ALCAM: variants seen among roughly 807,000 people sequenced by gnomAD.
ALCAM encodes CD166 antigen.
In ALCAM, 30 loss-of-function variants were observed where a neutral mutation model predicts 70.9. The ratio of observed to expected loss-of-function variants is 0.42; its 90% CI spans 0.32 to 0.57. ALCAM has a LOEUF of 0.57. Ranked by LOEUF, ALCAM falls within the 20% of genes least tolerant of loss-of-function variation. The pLI, the probability that ALCAM is intolerant of heterozygous loss-of-function variation, is 0.11. For synonymous variants in ALCAM, 249 were observed against 242.5 expected, an observed-to-expected ratio of 1.03 and a Z score of -0.25; for missense variants, 591 against 695.1, an observed-to-expected ratio of 0.85 and a Z score of 1.68.
At chr3:105,485,026 AAAATT>A (rs1938386048) in intron 1 of ALCAM, among the ~76,000 whole-genome samples, 1 of 152,144 alleles carries the variant, frequency 6.6e-6, no homozygotes, top group African/African-American at 2.4e-5. Flanking sequence ...TATTTGTTCA[AAAATT>A]AAAATAGAAT....
chr3:105,379,523 A>G (rs1175650903), intron 1 of ALCAM, among the ~76,000 whole-genome samples: 3 of 151,834 alleles, frequency 2.0e-5, no homozygotes, highest in Non-Finnish European at 4.4e-5. Flanking sequence ...AGACATATGT[A>G]ATGCACTATA....
At chr3:105,368,165 G>T (rs577928604) in intron 1 of ALCAM, among the ~76,000 whole-genome samples, 3 of 146,994 alleles carry the variant, frequency 2.0e-5, no homozygotes, top group African/African-American at 7.5e-5. Flanking sequence ...TGAGAGGTTT[G>T]TGAATTTCCA....
At chr3:105,368,818 G>A (rs1040118989) in intron 1 of ALCAM, among the ~76,000 whole-genome samples, 2 of 152,076 alleles carry the variant, frequency 1.3e-5, no homozygotes, top group African/African-American at 4.8e-5. Flanking sequence ...ACATTTCTGG[G>A]TGAGGTAATG....
intron 1 of ALCAM, among the ~76,000 whole-genome samples, chr3:105,395,410 C>G (rs184912747): frequency 3.6e-4 from 54 of 151,986 alleles, no homozygotes; most frequent in African/African-American, 1.3e-3. Context: ...CAAATGAGCT[C>G]TTATTTCTTA....
intron 1 of ALCAM, among the ~76,000 whole-genome samples, chr3:105,443,571 C>T (rs1361216710): frequency 6.6e-6 from 1 of 152,090 alleles, no homozygotes; most frequent in African/African-American, 2.4e-5. Context: ...AAATAATGGA[C>T]TCTTAAACCA....
chr3:105,504,594 G>T (rs2152617429), intron 1 of ALCAM, among the ~76,000 whole-genome samples: 1 of 152,224 alleles, frequency 6.6e-6, no homozygotes, highest in South Asian at 2.1e-4. Flanking sequence ...GCCTGCTGGT[G>T]CCTGTCAATA....
rs192112529 is a variant in ALCAM, at chr3:105,553,681, A to G, written c.1664+1096A>G. Among the ~76,000 whole-genome samples the G allele has an allele frequency of 9.1e-4, 138 of 152,030 alleles. 1 individual carries two copies. Among genetic ancestry groups the G allele is most frequent in the African/African-American group, 3.2e-3 (134 of 41,536 alleles). On this transcript the variant is annotated intron_variant, in intron 14 of 15. Coordinates refer to ENST00000306107, the MANE Select transcript of ALCAM (RefSeq NM_001627.4). ...AGAAGCTCTGAAATTTTGAAGTCAC[A>G]TAGCAGCATGAGCATGTATTGAGCT... is the stretch of plus-strand genomic sequence containing the variant.
chr3:105,381,042 G>A (rs1219788247), intron 1 of ALCAM, among the ~76,000 whole-genome samples: 1 of 151,844 alleles, frequency 6.6e-6, no homozygotes, highest in Non-Finnish European at 1.5e-5. Context: ...CAGTTGGGTG[G>A]CATTGGGGAA....
intron 1 of ALCAM, among the ~76,000 whole-genome samples, chr3:105,412,495 G>C (rs959242354): frequency 1.3e-5 from 2 of 152,010 alleles, no homozygotes; most frequent in African/African-American, 2.4e-5. Flanking sequence ...TAAAATTAGC[G>C]ATCCATATGG....
chr3:105,498,348 A>G (rs1028417901), intron 1 of ALCAM, among the ~76,000 whole-genome samples: 5 of 152,194 alleles, frequency 3.3e-5, no homozygotes, highest in Non-Finnish European at 4.4e-5. Context: ...AAATGTCAGC[A>G]TAAGTGGGAA....
In ALCAM at chr3:105,434,010, T is replaced by C. The variant is rs369743353; in HGVS notation, c.73+66529T>C. ...CCCCAAAACATCACTTATTTCATTG[T>C]CCCACTAAGGGGGATATAGGAAAGG... On this transcript the variant is annotated intron_variant, in intron 1 of 15. Transcript: ENST00000306107. Among the ~76,000 whole-genome samples the C allele has an allele frequency of 1.5e-4, 23 of 152,234 alleles. No homozygotes were observed. The East Asian group carries it at 4.2e-3, about 28-fold the overall frequency.
chr3:105,474,163 C>A (rs915911559), intron 1 of ALCAM, among the ~76,000 whole-genome samples: 1 of 151,620 alleles, frequency 6.6e-6, no homozygotes, highest in Non-Finnish European at 1.5e-5. Flanking sequence ...TGCTGTTTTT[C>A]CAACAACATC....
chr3:105,457,698 G>A (rs1477915414), intron 1 of ALCAM, among the ~76,000 whole-genome samples: 2 of 152,104 alleles, frequency 1.3e-5, no homozygotes, highest in Non-Finnish European at 2.9e-5. Context: ...CTGGAAGAAG[G>A]CACACATGAC....
At chr3:105,533,517 A>C in intron 4 of ALCAM, 86 bp from the exon 5 acceptor site, 1 of 1,112,754 alleles carries the variant, frequency 9.0e-7, no homozygotes, top group Non-Finnish European at 1.4e-6. Flanking sequence ...CCTTGGAATA[A>C]CTCTGCATTG....
intron 1 of ALCAM, among the ~76,000 whole-genome samples, chr3:105,421,943 G>A (rs549665245): frequency 6.6e-6 from 1 of 151,348 alleles, no homozygotes; most frequent in South Asian, 2.1e-4. Context: ...AGTCAGCCAA[G>A]TAGTGTTTAT....
chr3:105,368,465 T>A (rs1234881059), intron 1 of ALCAM, among the ~76,000 whole-genome samples: 2 of 152,090 alleles, frequency 1.3e-5, no homozygotes, highest in African/African-American at 4.8e-5. Flanking sequence ...AGGGGATTTT[T>A]TTTTCTTTGA....
intron 1 of ALCAM, among the ~76,000 whole-genome samples, chr3:105,491,463 G>C (rs1437900970): frequency 6.6e-6 from 1 of 152,140 alleles, no homozygotes; most frequent in Non-Finnish European, 1.5e-5. Context: ...GCATCATCAG[G>C]CTGCAAATTT....
chr3:105,491,386 A>C (rs1002772606), intron 1 of ALCAM, among the ~76,000 whole-genome samples: 3 of 152,226 alleles, frequency 2.0e-5, no homozygotes, highest in Non-Finnish European at 2.9e-5. Context: ...TTGGCTCTTC[A>C]TTACTTAGGC....
Position 105,385,465 on chromosome 3 carries a change from A to G in ALCAM, c.73+17984A>G, listed in dbSNP as rs115819218. On this transcript the variant is annotated intron_variant, in intron 1 of 15. Transcript: ENST00000306107. ...GAACTTGCTATTTAAAATTACAACA[A>G]ACTGTTTATGTGGACCAGTAGCATC... is the stretch of plus-strand genomic sequence containing the variant. Among the ~76,000 whole-genome samples, 170 of 151,704 alleles carry G rather than the reference A, an allele frequency of 1.1e-3. 1 individual carries two copies. Among genetic ancestry groups the G allele is most frequent in the African/African-American group, 3.9e-3 (161 of 41,498 alleles).
Sources: gnomAD v4.1 joint callset for allele counts (sites outside exome capture counted in the v4.1 genomes callset) on GRCh38, gnomAD v4.1.1 for gene constraint, MANE v1.5 for transcripts, NCBI Gene and HGNC (gene_info 2026-07-23, HGNC 2026-07-21) for gene names.